Variants in SLC24A3 observed in about 807,000 individuals in gnomAD.
SLC24A3 encodes solute carrier family 24 member 3, also known as sodium/potassium/calcium exchanger 3.
Under a neutral mutation model 75.8 loss-of-function variants are expected in SLC24A3, and 28 were observed. That is an observed-to-expected ratio of 0.37 (90% CI 0.27 to 0.51). The LOEUF (loss-of-function observed/expected upper bound fraction) is 0.51, where lower values mean the gene tolerates loss of function less well. Ranked by LOEUF, SLC24A3 falls within the 20% of genes least tolerant of loss-of-function variation. SLC24A3 has a pLI of 0.94. For missense variants in SLC24A3, 663 were observed against 847.8 expected (o/e 0.78, Z 2.71); for synonymous variants, 372 against 334.1 (o/e 1.11, Z -1.24).
At chr20:19,354,773 C>G (rs1363638844) in intron 2 of SLC24A3, among the ~76,000 whole-genome samples, 1 of 152,092 alleles carries the variant, frequency 6.6e-6, no homozygotes, top group Non-Finnish European at 1.5e-5. Context: ...AATACCAAGT[C>G]TTCTCAAGGA....
chr20:19,639,829 G>A (rs1158962005), intron 6 of SLC24A3, among the ~76,000 whole-genome samples: 1 of 152,234 alleles, frequency 6.6e-6, no homozygotes, highest in African/African-American at 2.4e-5. Flanking sequence ...CGGTGGGCTG[G>A]CACTGCTGGG....
At chr20:19,468,110 A>T (rs956316918) in intron 2 of SLC24A3, among the ~76,000 whole-genome samples, 1 of 152,076 alleles carries the variant, frequency 6.6e-6, no homozygotes, top group Admixed American at 6.6e-5. Flanking sequence ...TGGAAAATGG[A>T]TTGGATGGGT....
chr20:19,300,693 G>A (rs966749324), intron 2 of SLC24A3, among the ~76,000 whole-genome samples: 4 of 152,152 alleles, frequency 2.6e-5, no homozygotes, highest in Admixed American at 6.5e-5. Flanking sequence ...TGACTGACTG[G>A]CTTCTTGACT....
intron 1 of SLC24A3, among the ~76,000 whole-genome samples, chr20:19,246,762 A>G (rs58241926): frequency 0.014 from 2,081 of 152,168 alleles, 48 homozygotes; most frequent in African/African-American, 0.048. Flanking sequence ...CTCTCCCTCT[A>G]TCTCTGTCTT....
intron 2 of SLC24A3, among the ~76,000 whole-genome samples, chr20:19,422,509 G>T (rs1302551109): frequency 6.6e-6 from 1 of 152,150 alleles, no homozygotes; most frequent in African/African-American, 2.4e-5. Flanking sequence ...TCTGACCTGG[G>T]CTATCCTGCT....
At chr20:19,712,002 A>G (rs2032998480) in intron 15 of SLC24A3, among the ~76,000 whole-genome samples, 1 of 152,036 alleles carries the variant, frequency 6.6e-6, no homozygotes, top group South Asian at 2.1e-4. Context: ...GCTGGAGTGC[A>G]GTGGTGGGAT....
chr20:19,591,639 C>CTGA, intron 6 of SLC24A3, among the ~76,000 whole-genome samples: 1 of 152,260 alleles, frequency 6.6e-6, no homozygotes, highest in South Asian at 2.1e-4. Flanking sequence ...AAACAAAAAT[C>CTGA]TGATTGAGCC....
chr20:19,673,565 C>T (rs1335712502), intron 8 of SLC24A3, 36 bp from the exon 9 acceptor site: 1 of 1,593,458 alleles, frequency 6.3e-7, no homozygotes, highest in African/African-American at 1.3e-5. Flanking sequence ...CACAGATGTC[C>T]ATGACTGTCT....
chr20:19,685,673 C>T (rs568899733), intron 12 of SLC24A3, among the ~76,000 whole-genome samples: 8 of 152,210 alleles, frequency 5.3e-5, no homozygotes, highest in African/African-American at 1.4e-4. Flanking sequence ...ACTGAGACAA[C>T]GAATATTGCC....
intron 2 of SLC24A3, among the ~76,000 whole-genome samples, chr20:19,418,370 AC>A (rs756180437): frequency 5.9e-5 from 9 of 152,160 alleles, no homozygotes; most frequent in Non-Finnish European, 1.2e-4. Flanking sequence ...AATAGCAAAA[AC>A]AAAAAATCCA....
chr20:19,552,981 C>T (rs906849892), intron 3 of SLC24A3, among the ~76,000 whole-genome samples: 1 of 152,082 alleles, frequency 6.6e-6, no homozygotes, highest in African/African-American at 2.4e-5. Context: ...GGTCCCCAGA[C>T]TAGGGACCTC....
chr20:19,508,084 A>T (rs1418817938), intron 2 of SLC24A3, among the ~76,000 whole-genome samples: 2 of 152,190 alleles, frequency 1.3e-5, no homozygotes, highest in Admixed American at 1.3e-4. Context: ...GGGCCACAGA[A>T]AGAGAGGCAG....
chr20:19,527,366 C>T (rs532075039), intron 3 of SLC24A3, among the ~76,000 whole-genome samples: 14 of 152,266 alleles, frequency 9.2e-5, no homozygotes, highest in East Asian at 7.7e-4. Context: ...TGTAGTGTGA[C>T]GGTGAATGAA....
intron 2 of SLC24A3, among the ~76,000 whole-genome samples, chr20:19,392,059 TA>T (rs1313364627): frequency 2.6e-5 from 4 of 152,180 alleles, no homozygotes; most frequent in Admixed American, 2.6e-4. Context: ...GCTGTTTGCC[TA>T]GGTGTCGGGG....
At chr20:19,237,855 C>G (rs1156673626) in intron 1 of SLC24A3, among the ~76,000 whole-genome samples, 2 of 152,134 alleles carry the variant, frequency 1.3e-5, no homozygotes, top group Non-Finnish European at 2.9e-5. Context: ...CTGATTTAAG[C>G]CTGGGCCTGA....
At chr20:19,713,225 G>A (rs1298672645) in intron 15 of SLC24A3, among the ~76,000 whole-genome samples, 1 of 152,216 alleles carries the variant, frequency 6.6e-6, no homozygotes, top group African/African-American at 2.4e-5. Context: ...GTTCCCACAA[G>A]CACACGTGGA....
chr20:19,625,584 A>G (rs1012716196), intron 6 of SLC24A3, among the ~76,000 whole-genome samples: 1 of 152,202 alleles, frequency 6.6e-6, no homozygotes, highest in African/African-American at 2.4e-5. Context: ...ATCCCCATGT[A>G]TGTCCATCGT....
intron 10 of SLC24A3, among the ~76,000 whole-genome samples, chr20:19,683,904 G>T (rs555711043): frequency 1.3e-3 from 201 of 152,248 alleles, no homozygotes; most frequent in Non-Finnish European, 1.3e-3. Context: ...CTGGATGAAT[G>T]GAAAGAAGGA....
chr20:19,349,576 G>A (rs544007465), intron 2 of SLC24A3, among the ~76,000 whole-genome samples: 2 of 152,300 alleles, frequency 1.3e-5, no homozygotes, highest in African/African-American at 4.8e-5. Flanking sequence ...ATGAGTCAGT[G>A]TGTAAATATC....
Sources: gnomAD v4.1 joint callset for allele counts (sites outside exome capture counted in the v4.1 genomes callset) on GRCh38, gnomAD v4.1.1 for gene constraint, MANE v1.5 for transcripts, NCBI Gene and HGNC (gene_info 2026-07-23, HGNC 2026-07-21) for gene names.